CHST8: variants seen among roughly 807,000 people sequenced by gnomAD.
CHST8 encodes carbohydrate sulfotransferase 8.
Under a neutral mutation model 15.0 loss-of-function variants are expected in CHST8, and 10 were observed. That is an observed-to-expected ratio of 0.67 (90% confidence interval 0.41 to 1.13). The LOEUF is 1.13. CHST8 is among the 50% of genes most tolerant of loss of function. The probability of loss-of-function intolerance (pLI) is 0.00; values close to 1 mark genes in which losing one functional copy is unlikely to be tolerated. For synonymous variants in CHST8, 259 were observed against 256.6 expected, an observed-to-expected ratio of 1.01 and a Z score of -0.09; for missense variants, 634 against 608.2, an observed-to-expected ratio of 1.04 and a Z score of -0.45.
intron 1 of CHST8, among the ~76,000 whole-genome samples, chr19:33,643,628 C>G (rs1433415517): frequency 6.6e-6 from 1 of 152,194 alleles, no homozygotes; most frequent in Non-Finnish European, 1.5e-5. Flanking sequence ...TGCTTAATTC[C>G]TGTGTTAACT....
At chr19:33,737,325 T>C (rs1247644069) in intron 3 of CHST8, among the ~76,000 whole-genome samples, 3 of 152,226 alleles carry the variant, frequency 2.0e-5, no homozygotes, top group South Asian at 2.1e-4. Context: ...AAGAACCCAC[T>C]TGGCCTTCTG....
chr19:33,631,396 G>A (rs1378573121), intron 1 of CHST8, among the ~76,000 whole-genome samples: 2 of 152,268 alleles, frequency 1.3e-5, no homozygotes, highest in East Asian at 1.9e-4. Flanking sequence ...GGGATCGCAC[G>A]TGGATTTCCC....
At chr19:33,694,932 C>T (rs542125218) in intron 3 of CHST8, among the ~76,000 whole-genome samples, 22 of 114,632 alleles carry the variant, frequency 1.9e-4, no homozygotes, top group African/African-American at 5.8e-4. Context: ...CTTCCCCTCC[C>T]CTCCCCTCCC....
At chr19:33,650,222 G>T (rs767530526) in intron 1 of CHST8, among the ~76,000 whole-genome samples, 2 of 152,072 alleles carry the variant, frequency 1.3e-5, no homozygotes, top group Admixed American at 1.3e-4. Flanking sequence ...CCAACCTCCC[G>T]TCCCAGCATG....
At chr19:33,724,087 C>T (rs56389220) in intron 3 of CHST8, among the ~76,000 whole-genome samples, 11,379 of 152,230 alleles carry the variant, frequency 0.075, 605 homozygotes, top group Middle Eastern at 0.13. Flanking sequence ...CTGCAGGCAC[C>T]GGGCCTGGCT....
chr19:33,701,808 G>T (rs1321303570), intron 3 of CHST8, among the ~76,000 whole-genome samples: 1 of 152,190 alleles, frequency 6.6e-6, no homozygotes, highest in South Asian at 2.1e-4. Flanking sequence ...TCCTCGGCAG[G>T]CGTCTTTATC....
intron 3 of CHST8, among the ~76,000 whole-genome samples, chr19:33,695,438 G>C (rs993868974): frequency 5.9e-5 from 9 of 151,996 alleles, no homozygotes; most frequent in South Asian, 2.1e-4. Context: ...CAATAGTTTT[G>C]GGGGTATAGG....
chr19:33,715,055 A>G (rs1973641082), intron 3 of CHST8, among the ~76,000 whole-genome samples: 1 of 152,046 alleles, frequency 6.6e-6, no homozygotes, highest in Non-Finnish European at 1.5e-5. Context: ...GTTCCTCAAG[A>G]TCACTCCTCC....
intron 3 of CHST8, among the ~76,000 whole-genome samples, chr19:33,725,298 C>T (rs1973873412): frequency 1.3e-5 from 2 of 152,288 alleles, no homozygotes; most frequent in South Asian, 4.1e-4. Context: ...CCCCCAGGGG[C>T]ATCCTGTACC....
chr19:33,638,409 C>T (rs372669094), intron 1 of CHST8, among the ~76,000 whole-genome samples: 9 of 152,242 alleles, frequency 5.9e-5, no homozygotes, highest in Admixed American at 1.3e-4. Context: ...AATTTGATCT[C>T]GGGCAAATGT....
rs1599604593 is a variant in CHST8 at position 33,738,877 on chromosome 19, A to G, written c.131-32536A>G. Among the ~76,000 whole-genome samples, 7 of 152,180 alleles carry G rather than the reference A, an allele frequency of 4.6e-5. 1 individual carries two copies. The highest frequency in any genetic ancestry group is 4.6e-4 in the Admixed American group (7 of 15,286). The stretch of plus-strand genomic sequence containing the variant: ...AGTGCTGGGATTACAGGCATGAGCC[A>G]CCGTGCCCGGCCGGAGTCCAAGATT... On this transcript the variant is annotated intron_variant, in intron 3 of 4. Transcript: ENST00000650847.
At chr19:33,742,181 A>G (rs1974206974) in intron 3 of CHST8, among the ~76,000 whole-genome samples, 1 of 152,212 alleles carries the variant, frequency 6.6e-6, no homozygotes, top group South Asian at 2.1e-4. Flanking sequence ...TGTATTTGCC[A>G]TGATGCCATG....
chr19:33,726,932 C>T (rs1489534430), intron 3 of CHST8, among the ~76,000 whole-genome samples: 1 of 151,746 alleles, frequency 6.6e-6, no homozygotes, highest in African/African-American at 2.4e-5. Flanking sequence ...GGCAGTGCTC[C>T]CCTCCCAGCT....
intron 2 of CHST8, among the ~76,000 whole-genome samples, chr19:33,683,757 C>G (rs994549841): frequency 6.6e-6 from 1 of 152,104 alleles, no homozygotes; most frequent in Non-Finnish European, 1.5e-5. Flanking sequence ...GGGGAGAGGC[C>G]TCGATGCGAT....
intron 3 of CHST8, among the ~76,000 whole-genome samples, chr19:33,725,082 G>A (rs1973869422): frequency 6.6e-6 from 1 of 152,170 alleles, no homozygotes; most frequent in Non-Finnish European, 1.5e-5. Context: ...GGGGGGCGCT[G>A]TTATGAGGGA....
At chr19:33,727,918 T>C (rs1973931745) in intron 3 of CHST8, among the ~76,000 whole-genome samples, 1 of 152,186 alleles carries the variant, frequency 6.6e-6, no homozygotes, top group Admixed American at 6.5e-5. Flanking sequence ...GTGCCTTCTG[T>C]GGGTGGGTGC....
In CHST8 at chr19:33,689,287, G is replaced by A. The variant is rs761058926; in HGVS notation, c.26G>A (p.Arg9Gln). Residue 9 changes from arginine to glutamine, a missense_variant, in exon 3 of 5, where the codon CGG becomes CAG. Arg to Gln is a conservative substitution (Grantham distance 43). Transcript: ENST00000650847. MTLRPGTM[R>Q]LACMFSSILL... ...ATGACCCTGCGACCTGGAACAATGC[G>A]GCTGGCCTGCATGTTCTCTTCCATC... The A allele has an allele frequency of 1.4e-5, 22 of 1,605,600 alleles. No homozygotes were observed. Among genetic ancestry groups the A allele is most frequent in the Admixed American group, 1.0e-4 (6 of 59,136 alleles).
intron 2 of CHST8, among the ~76,000 whole-genome samples, chr19:33,675,560 G>A (rs1422453813): frequency 2.0e-5 from 3 of 152,340 alleles, no homozygotes; most frequent in East Asian, 1.9e-4. Flanking sequence ...CACACTGCAC[G>A]TGGTTGATGG....
intron 1 of CHST8, among the ~76,000 whole-genome samples, chr19:33,661,646 C>A (rs1035948516): frequency 1.3e-5 from 2 of 152,200 alleles, no homozygotes; most frequent in Non-Finnish European, 2.9e-5. Flanking sequence ...CCCCACTGCA[C>A]GGGGGACCCT....
Sources: allele counts gnomAD v4.1 joint callset (sites outside exome capture counted in the v4.1 genomes callset), GRCh38; gene constraint gnomAD v4.1.1; transcripts MANE v1.5; gene names NCBI Gene and HGNC (gene_info 2026-07-23, HGNC 2026-07-21).